ACSM4: variants seen among roughly 807,000 people sequenced by gnomAD.
ACSM4 encodes acyl-CoA synthetase medium chain family member 4.
Under a neutral mutation model 73.0 loss-of-function variants are expected in ACSM4, and 66 were observed. The observed-to-expected ratio is 0.90, with a 90% CI of 0.74 to 1.11. ACSM4 has a LOEUF of 1.11. Among genes scored for constraint, ACSM4 ranks in the 50% least tolerant of loss-of-function variants. The probability of loss-of-function intolerance (pLI) is 0.00; values close to 1 mark genes in which losing one functional copy is unlikely to be tolerated. For synonymous variants in ACSM4, 222 were observed against 254.0 expected, an observed-to-expected ratio of 0.87 and a Z score of 1.20; for missense variants, 645 against 714.4, an observed-to-expected ratio of 0.90 and a Z score of 1.11.
intron 3 of ACSM4, among the ~76,000 whole-genome samples, chr12:7,314,965 G>A (rs1946411068): frequency 6.6e-6 from 1 of 152,044 alleles, no homozygotes; most frequent in African/African-American, 2.4e-5. Context: ...GGATCCCAAG[G>A]CAGGCAGATC....
chr12:7,311,147 C>T (rs1298965830), intron 3 of ACSM4, among the ~76,000 whole-genome samples: 2 of 151,552 alleles, frequency 1.3e-5, no homozygotes, highest in African/African-American at 2.4e-5. Context: ...GTCTAGGTGG[C>T]AGAGTGAAAC....
At chr12:7,323,048 A>G (rs1165756417) in intron 7 of ACSM4, among the ~76,000 whole-genome samples, 186 bp from the exon 8 acceptor site, 28 of 152,260 alleles carry the variant, frequency 1.8e-4, no homozygotes, top group Admixed American at 1.7e-3. Flanking sequence ...ACAATGTTCC[A>G]GAATTTCAAA....
Position 7,310,538 on chromosome 12 carries a change from G to A in ACSM4, c.413-1G>A, listed in dbSNP as rs201845709. On this transcript the variant is annotated splice_acceptor_variant, in intron 2 of 12. Transcript: ENST00000399422. LOFTEE classifies it high-confidence loss of function. ...AGTGCAGGGCCCTCTGTCCTTCCCA[G>A]GGATCATCTTCATGCCGGGAACAAT... The A allele has an allele frequency of 5.9e-4, 942 of 1,602,366 alleles. 1 individual carries two copies. The highest frequency in any genetic ancestry group is 7.5e-4 in the Non-Finnish European group (877 of 1,175,946).
intron 3 of ACSM4, 116 bp from the exon 4 acceptor site, chr12:7,317,021 C>G: frequency 7.7e-7 from 1 of 1,292,874 alleles, no homozygotes; most frequent in Non-Finnish European, 1.0e-6. Flanking sequence ...GGATTAGGTT[C>G]AGTTCTGTTA....
chr12:7,317,350 T>C (rs1414361890), intron 4 of ACSM4, 70 bp downstream of exon 4: 4 of 1,461,214 alleles, frequency 2.7e-6, no homozygotes, highest in Non-Finnish European at 3.6e-6. Flanking sequence ...TCCAACTAAC[T>C]GATACTTCTC....
At chr12:7,308,244 T>C (rs2136328685) in intron 2 of ACSM4, among the ~76,000 whole-genome samples, 1 of 152,286 alleles carries the variant, frequency 6.6e-6, no homozygotes, top group East Asian at 1.9e-4. Flanking sequence ...GTTAAACCAG[T>C]TGTGGATTGA....
chr12:7,310,147 A>C (rs1946382067), intron 2 of ACSM4, among the ~76,000 whole-genome samples: 1 of 152,238 alleles, frequency 6.6e-6, no homozygotes, highest in Non-Finnish European at 1.5e-5. Context: ...TATAAGCTGT[A>C]AAGTGCTATT....
At chr12:7,312,981 A>T (rs922155745) in intron 3 of ACSM4, among the ~76,000 whole-genome samples, 3 of 152,318 alleles carry the variant, frequency 2.0e-5, no homozygotes, top group Admixed American at 2.0e-4. Flanking sequence ...GCATTATACA[A>T]ATACCAAAAA....
intron 6 of ACSM4, among the ~76,000 whole-genome samples, chr12:7,321,185 A>T (rs1057448910): frequency 1.3e-5 from 2 of 152,220 alleles, no homozygotes; most frequent in South Asian, 2.1e-4. Context: ...ACTCAAAAAA[A>T]AATTGTCCTC....
chr12:7,308,556 A>ACC (rs1946373205), intron 2 of ACSM4, among the ~76,000 whole-genome samples: 2 of 152,204 alleles, frequency 1.3e-5, no homozygotes, highest in Admixed American at 1.3e-4. Context: ...ACTTCTCCTA[A>ACC]CCCTGAATTT....
At position 7,304,299 on chromosome 12, in the gene ACSM4, G is replaced by A. The variant is rs1222219188; in HGVS notation, c.-33G>A. 6.3e-7 allele frequency: 1 copy of A among 1,598,946 alleles called. No individual in the cohort carries two copies. Among genetic ancestry groups the A allele is most frequent in the Non-Finnish European group, 8.6e-7 (1 of 1,166,680 alleles). On this transcript the variant is annotated 5_prime_UTR_variant, in exon 1 of 13. Transcript: ENST00000399422. The stretch of plus-strand genomic sequence containing the variant: ...TCCCTACAGGCTGTAGTACTTCTGT[G>A]TCCATAGCAGTAGACAAAGTCCTTT...
intron 12 of ACSM4, 109 bp from the exon 13 acceptor site, chr12:7,328,178 A>C: frequency 2.6e-6 from 2 of 772,274 alleles, no homozygotes; most frequent in South Asian, 3.6e-5. Flanking sequence ...AGGCTAAGAT[A>C]ATCTCGACTT....
chr12:7,308,774 A>G (rs888602650), intron 2 of ACSM4, among the ~76,000 whole-genome samples: 5 of 152,236 alleles, frequency 3.3e-5, no homozygotes, highest in Non-Finnish European at 5.9e-5. Context: ...AAGCTTTTAA[A>G]ATATATTCAT....
At position 7,304,116 on chromosome 12, in the gene ACSM4, C is replaced by T. The variant is rs1946347684; in HGVS notation, c.-216C>T. 6.6e-6 allele frequency among the ~76,000 whole-genome samples: 1 copy of T among 152,040 alleles called. No individual in the cohort carries two copies. The highest frequency in any genetic ancestry group is 1.5e-5 in the Non-Finnish European group (1 of 68,024). ...CACAGACAGAATGAAGAGGAAGGGT[C>T]CAGTGGCAGGGAGACCAGTCAGTGG... On this transcript the variant is annotated 5_prime_UTR_variant, in exon 1 of 13. Transcript: ENST00000399422.
intron 9 of ACSM4, among the ~76,000 whole-genome samples, 166 bp from the exon 10 acceptor site, chr12:7,324,107 G>A (rs891272334): frequency 6.6e-6 from 1 of 152,008 alleles, no homozygotes; most frequent in Admixed American, 6.6e-5. Context: ...GAGCCCAGGA[G>A]GTCGAGGCTG....
intron 9 of ACSM4, among the ~76,000 whole-genome samples, 166 bp from the exon 10 acceptor site, chr12:7,324,107 G>C (rs891272334): frequency 6.6e-6 from 1 of 152,008 alleles, no homozygotes; most frequent in Non-Finnish European, 1.5e-5. Context: ...GAGCCCAGGA[G>C]GTCGAGGCTG....
At position 7,308,645 on chromosome 12, in the gene ACSM4, G is replaced by A. The variant is rs149890527; in HGVS notation, c.413-1894G>A. Among the ~76,000 whole-genome samples, 438 of 152,088 alleles carry A rather than the reference G, an allele frequency of 2.9e-3. 5 individuals are homozygous for A. Among genetic ancestry groups the A allele is most frequent in the African/African-American group, 9.3e-3 (384 of 41,510 alleles). On this transcript the variant is annotated intron_variant, in intron 2 of 12. Coordinates refer to ENST00000399422, the MANE Select transcript of ACSM4 (RefSeq NM_001080454.2). ...TATTTGTAAGTCATTAAGAACAAGT[G>A]GTTTGTAAAATAAATAATCTTAAAT...
chr12:7,325,444 C>A (rs971017820), intron 11 of ACSM4, among the ~76,000 whole-genome samples: 3 of 152,130 alleles, frequency 2.0e-5, no homozygotes, highest in Non-Finnish European at 4.4e-5. Flanking sequence ...GTCAGGAGTT[C>A]GAGACCAGCC....
intron 3 of ACSM4, among the ~76,000 whole-genome samples, chr12:7,312,060 C>A (rs1946394080): frequency 6.6e-6 from 1 of 152,212 alleles, no homozygotes; most frequent in African/African-American, 2.4e-5. Context: ...TATGTAACAA[C>A]AGCAGAGTGG....
Sources: gnomAD v4.1 joint callset for allele counts (sites outside exome capture counted in the v4.1 genomes callset) on GRCh38, gnomAD v4.1.1 for gene constraint, MANE v1.5 for transcripts, NCBI Gene and HGNC (gene_info 2026-07-23, HGNC 2026-07-21) for gene names.